Variants in PLEKHG4B observed in about 807,000 individuals in gnomAD.
PLEKHG4B encodes the protein pleckstrin homology domain-containing family G member 4B.
PLEKHG4B carries 111 observed loss-of-function variants against 121.3 expected under a neutral mutation model. The observed-to-expected ratio is 0.92, with a 90% CI of 0.78 to 1.07. The LOEUF (loss-of-function observed/expected upper bound fraction) is 1.07, where lower values mean the gene tolerates loss of function less well. PLEKHG4B is among the 50% of genes least tolerant of loss of function. The pLI, the probability that PLEKHG4B is intolerant of heterozygous loss-of-function variation, is 0.00. For synonymous variants in PLEKHG4B, 738 were observed against 725.0 expected, an observed-to-expected ratio of 1.02 and a Z score of -0.29; for missense variants, 1,831 against 1,757.8, an observed-to-expected ratio of 1.04 and a Z score of -0.74.
Position 156,249 on chromosome 5 carries a change from C to A in PLEKHG4B, c.2348+39C>A. The A allele has an allele frequency of 2.9e-6, 4 of 1,402,786 alleles. No individual in the cohort carries two copies. Among genetic ancestry groups the A allele is most frequent in the South Asian group, 1.8e-5 (1 of 55,648 alleles). The allele number at this position is 1,402,786 out of a possible 1,614,324, so 86.9% of individuals were successfully genotyped here. On this transcript the variant is annotated intron_variant, in intron 10 of 19. Transcript: ENST00000637938. The surrounding 1 kb of genome is among the most constrained non-coding windows in gnomAD (Gnocchi z 4.4). Reference sequence around the variant, plus strand: ...GGGGTCATGCTGGGCCCTGGCCCATCGAGGGAGCTGCTCGGGGGAGTTTGC... The same window carrying A: ...GGGGTCATGCTGGGCCCTGGCCCATAGAGGGAGCTGCTCGGGGGAGTTTGC...
At chr5:155,512 A>C in intron 9 of PLEKHG4B, 69 bp downstream of exon 9, 1 of 1,216,720 alleles carries the variant, frequency 8.2e-7, no homozygotes, top group Non-Finnish European at 1.2e-6. Flanking sequence ...AGGTTAGCCA[A>C]ACTTGAAAAT....
At position 109,387 on chromosome 5, in the gene PLEKHG4B, ACT is replaced by A. The variant is rs1165972256; in HGVS notation, c.46-3861_46-3860del. On this transcript the variant is annotated intron_variant, in intron 1 of 19. Transcript: ENST00000637938. The stretch of plus-strand genomic sequence containing the variant: ...ACTCCAGCCTGGGTGACAGGGCAAG[ACT>A]CTGTCTCCAAAAAAAAAAAAAAAAA... Among the ~76,000 whole-genome samples the A allele has an allele frequency of 1.2e-4, 16 of 130,956 alleles. No individual in the cohort carries two copies. In the East Asian group the frequency reaches 1.3e-3, roughly 11 times the overall value. The allele number at this position is 130,956 out of a possible 152,430, so 85.9% of individuals were successfully genotyped here. A position where few individuals can be genotyped will look rare whatever the true frequency, so the allele number is the denominator to read the frequency against.
At chr5:179,709 TCTC>T (rs1183586072) in intron 18 of PLEKHG4B, 2 of 152,540 alleles carry the variant, frequency 1.3e-5, no homozygotes, top group Non-Finnish European at 2.9e-5. Flanking sequence ...TTTGATCACT[TCTC>T]CTGCTCCACT....
intron 2 of PLEKHG4B, among the ~76,000 whole-genome samples, chr5:132,026 A>G (rs1325143656): frequency 2.6e-5 from 4 of 152,234 alleles, no homozygotes; most frequent in Non-Finnish European, 4.4e-5. Context: ...TCAACATAAT[A>G]AAAGCCATAT....
intron 2 of PLEKHG4B, among the ~76,000 whole-genome samples, chr5:130,623 T>C (rs1465521840): frequency 1.3e-5 from 2 of 152,260 alleles, no homozygotes; most frequent in Non-Finnish European, 2.9e-5. Context: ...AGCGGGACTC[T>C]GCTTATTTTT....
At chr5:168,155 G>T (rs756490305) in intron 13 of PLEKHG4B, among the ~76,000 whole-genome samples, 19 of 152,256 alleles carry the variant, frequency 1.2e-4, no homozygotes, top group Non-Finnish European at 1.0e-4. Flanking sequence ...TGTCAGGAAG[G>T]GCTCTTCAAA....
rs1250019241 is a variant in PLEKHG4B at position 144,724 on chromosome 5, G to A, written c.1812-103G>A. On this transcript the variant is annotated intron_variant, in intron 5 of 19. Coordinates refer to ENST00000637938, the MANE Select transcript of PLEKHG4B (RefSeq NM_052909.5). ...GTATAGAGAACCCCTAACTTCTAGA[G>A]CTGAAAGGAAACCAGTAACAACTAG... is the stretch of plus-strand genomic sequence containing the variant. 9.1e-6 allele frequency: 9 copies of A among 993,728 alleles called. No individual in the cohort carries two copies. The East Asian group carries it at 2.2e-4, about 25-fold the overall frequency. The allele number at this position is 993,728 out of a possible 1,614,324, so 61.6% of individuals were successfully genotyped here.
intron 1 of PLEKHG4B, among the ~76,000 whole-genome samples, chr5:105,270 G>C (rs1336018513): frequency 6.6e-6 from 1 of 152,232 alleles, no homozygotes; most frequent in Non-Finnish European, 1.5e-5. Flanking sequence ...AGCTGTGGCT[G>C]GGGGCCCTGC....
At position 188,340 on chromosome 5, in the gene PLEKHG4B, G is replaced by A. The variant is rs1047552723; in HGVS notation, c.*6017G>A. ...GTCCTGGGGGGGCTCACAGAGGACCGACCCTGCAGGGAGATGCTGACCCAC... is the reference window on the plus strand; with the variant it reads ...GTCCTGGGGGGGCTCACAGAGGACCAACCCTGCAGGGAGATGCTGACCCAC... On this transcript the variant is annotated 3_prime_UTR_variant, in exon 20 of 20. Coordinates refer to ENST00000637938, the MANE Select transcript of PLEKHG4B (RefSeq NM_052909.5). 4 of 152,248 alleles carry A rather than the reference G, an allele frequency of 2.6e-5. No homozygotes were observed. Among genetic ancestry groups the A allele is most frequent in the African/African-American group, 4.8e-5 (2 of 41,432 alleles). The allele number at this position is 152,248 out of a possible 1,614,324, so 9.4% of individuals were successfully genotyped here. A position where few individuals can be genotyped will look rare whatever the true frequency, so the allele number is the denominator to read the frequency against.
Position 140,175 on chromosome 5 carries a change from G to A in PLEKHG4B, c.936G>A (p.Pro312=), listed in dbSNP as rs946265378. ...PENCGGSGER[P]DPMDQEDRPK... The stretch of plus-strand genomic sequence containing the variant: ...ACTGTGGGGGGTCGGGGGAGAGGCC[G>A]GACCCCATGGACCAGGAGGACAGAC... Residue 312 remains proline, a synonymous_variant, in exon 3 of 20, where the codon CCG becomes CCA. Transcript: ENST00000637938. 1.1e-5 allele frequency: 10 copies of A among 937,664 alleles called. No homozygotes were observed. Among genetic ancestry groups the A allele is most frequent in the African/African-American group, 5.1e-5 (3 of 58,902 alleles). The allele number at this position is 937,664 out of a possible 1,614,324, so 58.1% of individuals were successfully genotyped here. A position where few individuals can be genotyped will look rare whatever the true frequency, so the allele number is the denominator to read the frequency against.
chr5:169,669 C>A, intron 14 of PLEKHG4B, 77 bp downstream of exon 14: 1 of 1,570,530 alleles, frequency 6.4e-7, no homozygotes, highest in Admixed American at 1.7e-5. Context: ...GCCTACAGGG[C>A]CCACGTGTCA....
chr5:155,776 G>T (rs1735756731), intron 9 of PLEKHG4B, among the ~76,000 whole-genome samples: 1 of 152,198 alleles, frequency 6.6e-6, no homozygotes, highest in South Asian at 2.1e-4. Flanking sequence ...CAGCCGCCAG[G>T]TCTAGGGGCC....
At position 188,463 on chromosome 5, in the gene PLEKHG4B, C is replaced by T. The variant is rs923674453; in HGVS notation, c.*6140C>T. 9 of 152,226 alleles carry T rather than the reference C, an allele frequency of 5.9e-5. No homozygotes were observed. Among genetic ancestry groups the T allele is most frequent in the African/African-American group, 1.4e-4 (6 of 41,444 alleles). The allele number at this position is 152,226 out of a possible 1,614,324, so 9.4% of individuals were successfully genotyped here. A position where few individuals can be genotyped will look rare whatever the true frequency, so the allele number is the denominator to read the frequency against. On this transcript the variant is annotated 3_prime_UTR_variant, in exon 20 of 20. Coordinates refer to ENST00000637938, the MANE Select transcript of PLEKHG4B (RefSeq NM_052909.5). ...CTGAGCCCGAACTGACCACCTGGGG[C>T]GTAGGTCCAAGATTTAATTACAAAA...
At chr5:102,482 T>TA (rs1560894987) in intron 1 of PLEKHG4B, among the ~76,000 whole-genome samples, 1 of 152,120 alleles carries the variant, frequency 6.6e-6, no homozygotes, top group Non-Finnish European at 1.5e-5. Context: ...TATCTCAGGG[T>TA]AAACACTGCA....
Position 113,548 on chromosome 5 carries a change from AG to A in PLEKHG4B, c.243+101del, listed in dbSNP as rs1350720773. ...ATTGGGCCCATCAGGGCACTGGCTC[AG>A]TTCTTTCCTCTGGCTTCTGGCTCCT... On this transcript the variant is annotated intron_variant, in intron 2 of 19. Coordinates refer to ENST00000637938, the MANE Select transcript of PLEKHG4B (RefSeq NM_052909.5). This position sits in a 1 kb window ranked among gnomAD's most constrained non-coding sequence, Gnocchi z 5.2. The A allele has an allele frequency of 5.0e-6, 2 of 398,212 alleles. No individual in the cohort carries two copies. The highest frequency in any genetic ancestry group is 4.1e-5 in the African/African-American group (2 of 48,632). The allele number at this position is 398,212 out of a possible 1,614,324, so 24.7% of individuals were successfully genotyped here.
rs143939082 is a variant in PLEKHG4B, at chr5:153,858, T to C, written c.1993-1017T>C. On this transcript the variant is annotated intron_variant, in intron 7 of 19. Coordinates refer to ENST00000637938, the MANE Select transcript of PLEKHG4B (RefSeq NM_052909.5). ...TGCACTAGCACGCTCCACTAATTTTTGTATTTTGTTTTGTACAGATGGGGG... is the reference window on the plus strand; with the variant it reads ...TGCACTAGCACGCTCCACTAATTTTCGTATTTTGTTTTGTACAGATGGGGG... 3.1e-3 allele frequency among the ~76,000 whole-genome samples: 466 copies of C among 152,206 alleles called. 2 individuals are homozygous for C. Among genetic ancestry groups the C allele is most frequent in the Middle Eastern group, 0.01 (3 of 294 alleles).
intron 2 of PLEKHG4B, among the ~76,000 whole-genome samples, chr5:130,529 T>G (rs1165590632): frequency 6.6e-6 from 1 of 152,192 alleles, no homozygotes; most frequent in Non-Finnish European, 1.5e-5. Context: ...ATTCATGGCG[T>G]GATATGCCTT....
intron 13 of PLEKHG4B, among the ~76,000 whole-genome samples, chr5:164,804 TCACA>T (rs374207114): frequency 1.2e-5 from 1 of 83,606 alleles, no homozygotes; most frequent in Non-Finnish European, 2.5e-5. Context: ...GGGGCGGAGC[TCACA>T]CACTAATGCT....
chr5:181,824 G>A, intron 19 of PLEKHG4B, 149 bp downstream of exon 19: 4 of 1,326,072 alleles, frequency 3.0e-6, no homozygotes, highest in Non-Finnish European at 4.1e-6. Context: ...GGTGGCCTCG[G>A]CCCCGCCCTC....
Sources: allele counts gnomAD v4.1 joint callset (sites outside exome capture counted in the v4.1 genomes callset), GRCh38; gene constraint gnomAD v4.1.1; non-coding constraint Gnocchi (gnomAD v3.1); transcripts MANE v1.5; gene names NCBI Gene and HGNC (gene_info 2026-07-23, HGNC 2026-07-21).